The following SNX8 variants were observed in gnomAD, a reference collection of about 807,000 sequenced individuals.
SNX8 encodes the protein sorting nexin-8.
SNX8 carries 25 observed loss-of-function variants against 51.6 expected under a neutral mutation model. That is an observed-to-expected ratio of 0.48 (90% confidence interval 0.35 to 0.68). The LOEUF (loss-of-function observed/expected upper bound fraction) is 0.68, where lower values mean the gene tolerates loss of function less well. Among genes scored for constraint, SNX8 ranks in the 30% least tolerant of loss-of-function variants. SNX8 has a pLI of 0.00. For missense variants in SNX8, 695 were observed against 624.0 expected, an observed-to-expected ratio of 1.11 and a Z score of -1.21; for synonymous variants, 324 against 277.0, an observed-to-expected ratio of 1.17 and a Z score of -1.68.
At chr7:2,346,537 G>A (rs1377836737) in intron 1 of SNX8, among the ~76,000 whole-genome samples, 1 of 151,500 alleles carries the variant, frequency 6.6e-6, no homozygotes, top group Non-Finnish European at 1.5e-5. Flanking sequence ...CACGAGGTCA[G>A]GAGATCGAGA....
intron 7 of SNX8, among the ~76,000 whole-genome samples, chr7:2,258,653 G>T (rs1180542956): frequency 6.6e-6 from 1 of 152,206 alleles, no homozygotes; most frequent in Non-Finnish European, 1.5e-5. Flanking sequence ...AGGGGGCGCA[G>T]GGTAGGTAGG....
chr7:2,346,391 A>G (rs1405969075), intron 1 of SNX8, among the ~76,000 whole-genome samples: 1 of 151,750 alleles, frequency 6.6e-6, no homozygotes, highest in African/African-American at 2.4e-5. Context: ...GGCTGCTCTG[A>G]GCTGTGATTT....
At chr7:2,320,336 G>A (rs887257704) in intron 1 of SNX8, among the ~76,000 whole-genome samples, 1 of 152,120 alleles carries the variant, frequency 6.6e-6, no homozygotes, top group East Asian at 1.9e-4. Context: ...TAATTCAAAT[G>A]TGCAGCCCAG....
chr7:2,338,411 G>A (rs1583122974), intron 1 of SNX8, among the ~76,000 whole-genome samples: 2 of 150,700 alleles, frequency 1.3e-5, no homozygotes, highest in African/African-American at 2.4e-5. Context: ...GCAGTGAGCC[G>A]AAATCATGCC....
At chr7:2,286,034 G>A (rs968740816) in intron 1 of SNX8, among the ~76,000 whole-genome samples, 35 of 143,970 alleles carry the variant, frequency 2.4e-4, no homozygotes, top group African/African-American at 9.0e-4. Context: ...TTTTTTGAGA[G>A]GGAGTCTTGC....
At position 2,269,526 on chromosome 7, in the gene SNX8, AAAAAAAAAAAAAG is replaced by A. The variant is rs750677305; in HGVS notation, c.621+20_621+32del. 3.1e-6 allele frequency: 4 copies of A among 1,291,672 alleles called. No individual in the cohort carries two copies. Among genetic ancestry groups the A allele is most frequent in the Non-Finnish European group, 4.2e-6 (4 of 953,110 alleles). 80.0% of individuals were successfully genotyped at this position (1,291,672 alleles called of 1,614,324 possible). A position where few individuals can be genotyped will look rare whatever the true frequency, so the allele number is the denominator to read the frequency against. Reference sequence around the variant, plus strand: ...AATGATCAATAAAAAAATAAATTAAAAAAAAAAAAAAAGAAAAAAAAAAGAAAAATACCTTGGC... The same window carrying A: ...AATGATCAATAAAAAAATAAATTAAAAAAAAAAAAAGAAAAATACCTTGGC... On this transcript the variant is annotated intron_variant, in intron 5 of 10. Transcript: ENST00000222990.
intron 6 of SNX8, among the ~76,000 whole-genome samples, chr7:2,264,032 T>G (rs1032892848): frequency 6.6e-6 from 1 of 152,010 alleles, no homozygotes; most frequent in Non-Finnish European, 1.5e-5. Context: ...TTTTTTAAAG[T>G]CTCATCCTGA....
At chr7:2,322,162 A>G (rs1778532715) in intron 1 of SNX8, among the ~76,000 whole-genome samples, 2 of 152,232 alleles carry the variant, frequency 1.3e-5, no homozygotes, top group Admixed American at 6.6e-5. Flanking sequence ...GACAGAACTT[A>G]GCATGCAGAG....
At chr7:2,309,456 G>A (rs1235427189) in intron 1 of SNX8, among the ~76,000 whole-genome samples, 1 of 152,220 alleles carries the variant, frequency 6.6e-6, no homozygotes, top group Non-Finnish European at 1.5e-5. Flanking sequence ...AACCAGCCGG[G>A]CGCGGTGGCT....
intron 1 of SNX8, among the ~76,000 whole-genome samples, chr7:2,325,730 G>A (rs1442799524): frequency 6.6e-6 from 1 of 152,096 alleles, no homozygotes; most frequent in Non-Finnish European, 1.5e-5. Context: ...CTACTCAGGA[G>A]CTGAGGCATG....
At chr7:2,294,976 A>G (rs754219652) in intron 1 of SNX8, among the ~76,000 whole-genome samples, 4 of 152,142 alleles carry the variant, frequency 2.6e-5, no homozygotes, top group Non-Finnish European at 5.9e-5. Flanking sequence ...GGCTACAGTG[A>G]GCTATGATTG....
upstream of SNX8, among the ~76,000 whole-genome samples, chr7:2,317,008 C>T (rs1030487527): frequency 1.3e-5 from 2 of 152,082 alleles, no homozygotes; most frequent in Admixed American, 6.6e-5. Flanking sequence ...TGCAACACAC[C>T]GCAGAAGAGG....
Position 2,255,348 on chromosome 7 carries a change from G to A in SNX8, c.1285-179C>T, listed in dbSNP as rs11767343. ...CCTGCACAGAGGAAGCCCAAATGAG[G>A]AGTGGACCAGCGACATGTGACCTGT... On this transcript the variant is annotated intron_variant, in intron 10 of 10. Coordinates refer to ENST00000222990, the MANE Select transcript of SNX8 (RefSeq NM_013321.4). 6.6e-3 allele frequency among the ~76,000 whole-genome samples: 1,013 copies of A among 152,340 alleles called. 8 individuals carry two copies. The highest frequency in any genetic ancestry group is 0.023 in the African/African-American group (937 of 41,586).
chr7:2,300,810 T>C (rs565499599), intron 1 of SNX8, among the ~76,000 whole-genome samples: 209 of 152,086 alleles, frequency 1.4e-3, no homozygotes, highest in Non-Finnish European at 2.4e-3. Context: ...GCCCAGCTAA[T>C]TTTTGTATTT....
At chr7:2,275,328 A>G in intron 2 of SNX8, 99 bp from the exon 3 acceptor site, 5 of 791,416 alleles carry the variant, frequency 6.3e-6, no homozygotes, top group East Asian at 2.4e-5. Flanking sequence ...CACCAAGTGC[A>G]TCTTCTCTCA....
At chr7:2,327,237 TTTTA>T in intron 1 of SNX8, among the ~76,000 whole-genome samples, 1 of 151,784 alleles carries the variant, frequency 6.6e-6, no homozygotes, top group East Asian at 1.9e-4. Flanking sequence ...TCCTTTTTCC[TTTTA>T]TTTTCTTTTT....
intron 5 of SNX8, among the ~76,000 whole-genome samples, chr7:2,265,942 T>A (rs932556640): frequency 1.3e-5 from 2 of 151,982 alleles, no homozygotes; most frequent in Admixed American, 1.3e-4. Context: ...TGAGACTTCA[T>A]CTATACCAAA....
chr7:2,343,694 G>A (rs988464977), intron 1 of SNX8, among the ~76,000 whole-genome samples: 2 of 151,776 alleles, frequency 1.3e-5, no homozygotes, highest in African/African-American at 4.8e-5. Context: ...ATAAATAAAA[G>A]AAGATTATCT....
At chr7:2,288,085 G>A (rs549881175) in intron 1 of SNX8, 92 of 152,386 alleles carry the variant, frequency 6.0e-4, no homozygotes, top group Middle Eastern at 3.4e-3. Context: ...GCTCACGCCC[G>A]TAATCCCAAC....
Sources: allele counts gnomAD v4.1 joint callset (sites outside exome capture counted in the v4.1 genomes callset), GRCh38; gene constraint gnomAD v4.1.1; transcripts MANE v1.5; gene names NCBI Gene and HGNC (gene_info 2026-07-23, HGNC 2026-07-21).